SRRM2: variants seen among roughly 807,000 people sequenced by gnomAD.
The protein encoded by SRRM2 is serine/arginine repetitive matrix 2, also known as serine/arginine repetitive matrix protein 2.
SRRM2 carries 30 observed loss-of-function variants against 213.8 expected under a neutral mutation model. The ratio of observed to expected loss-of-function variants is 0.14; its 90% CI spans 0.10 to 0.19. The LOEUF is 0.19. Ranked by LOEUF, SRRM2 falls within the 10% of genes least tolerant of loss-of-function variation. SRRM2 has a pLI of 1.00. For missense variants in SRRM2, 4,904 were observed against 3,647.0 expected (o/e 1.34, Z -8.88); for synonymous variants, 2,025 against 1,377.7 (o/e 1.47, Z -10.40).
chr16:2,763,400 A>C lies in SRRM2; in HGVS notation c.2872A>C (p.Asn958His). ...RRSRSVSPCS[N>H]VESRLLPRYS... Reference sequence around the variant, plus strand: ...AAGCAGATCAGTATCTCCCTGCTCCAATGTGGAATCCAGATTGTTGCCAAG... The same window carrying C: ...AAGCAGATCAGTATCTCCCTGCTCCCATGTGGAATCCAGATTGTTGCCAAG... The change falls in exon 11 of 15, where the codon AAT (asparagine) becomes CAT (histidine). Residue 958 changes from asparagine to histidine, a missense_variant. Transcript: ENST00000301740. The C allele has an allele frequency of 6.2e-7, 1 of 1,614,236 alleles. No homozygotes were observed. The highest frequency in any genetic ancestry group is 1.1e-5 in the South Asian group (1 of 91,084).
chr16:2,765,344 G>A lies in SRRM2; in HGVS notation c.4816G>A (p.Asp1606Asn). The part of the protein sequence containing the change: ...SRSGSSPEVK[D>N]KPRAAPRAQS... ...GTCTGGTTCCTCCCCTGAAGTGAAAGATAAGCCAAGAGCAGCACCCAGGGC... is the reference window on the plus strand; with the variant it reads ...GTCTGGTTCCTCCCCTGAAGTGAAAAATAAGCCAAGAGCAGCACCCAGGGC... Residue 1606 changes from aspartate (D) to asparagine (N), a missense_variant, in exon 11 of 15, where the codon GAT becomes AAT. Transcript: ENST00000301740. 2.5e-6 allele frequency: 4 copies of A among 1,614,124 alleles called. No homozygotes were observed. The highest frequency in any genetic ancestry group is 3.4e-6 in the Non-Finnish European group (4 of 1,180,024).
Position 2,770,956 on chromosome 16 carries a change from G to C in SRRM2, c.*89G>C, listed in dbSNP as rs1459446077. 6.4e-7 allele frequency: 1 copy of C among 1,557,824 alleles called. No homozygotes were observed. Among genetic ancestry groups the C allele is most frequent in the Non-Finnish European group, 8.8e-7 (1 of 1,137,234 alleles). Reference sequence around the variant, plus strand: ...CCAGCAGAGCCGTGGGAGGGTCCTTGTCTGCTCTCCTTTGAACCTTGGCAG... The same window carrying C: ...CCAGCAGAGCCGTGGGAGGGTCCTTCTCTGCTCTCCTTTGAACCTTGGCAG... On this transcript the variant is annotated 3_prime_UTR_variant, in exon 15 of 15. Coordinates refer to ENST00000301740, the MANE Select transcript of SRRM2 (RefSeq NM_016333.4).
At chr16:2,760,142 T>C (rs1263351164) in intron 9 of SRRM2, 159 bp from the exon 10 acceptor site, 1 of 700,028 alleles carries the variant, frequency 1.4e-6, no homozygotes, top group East Asian at 2.7e-5. Flanking sequence ...AAGTGGACTG[T>C]ACTTGCATTT....
rs200852292 is a variant in SRRM2, at chr16:2,762,792, C to T, written c.2264C>T (p.Ser755Phe). 7 of 1,614,176 alleles carry T rather than the reference C, an allele frequency of 4.3e-6. No individual in the cohort carries two copies. The highest frequency in any genetic ancestry group is 3.3e-5 in the Admixed American group (2 of 60,030). ...SSPEMKKSRI[S>F]SRRSRSLSSP... ...CCAGAAATGAAGAAATCTCGCATTT[C>T]TTCAAGGCGGAGCAGGTCTCTCTCT... Residue 755 changes from serine (S) to phenylalanine (F), a missense_variant, in exon 11 of 15, where the codon TCT (serine) becomes TTT (phenylalanine). Ser to Phe is a radical substitution (Grantham distance 155, BLOSUM62 -2). Transcript: ENST00000301740.
At position 2,767,761 on chromosome 16, in the gene SRRM2, G is replaced by A. The variant is rs147372277; in HGVS notation, c.7233G>A (p.Pro2411=). 69 of 1,613,590 alleles carry A rather than the reference G, an allele frequency of 4.3e-5. No homozygotes were observed. The African/African-American group carries it at 5.6e-4, about 13-fold the overall frequency. The part of the protein sequence containing the change: ...LLDRARSRTP[P]SAPSQSRMTS... ...ACCGAGCTAGGTCCAGAACACCACCGTCTGCCCCAAGCCAATCTAGGATGA... is the reference window on the plus strand; with the variant it reads ...ACCGAGCTAGGTCCAGAACACCACCATCTGCCCCAAGCCAATCTAGGATGA... The change falls in exon 11 of 15, where the codon CCG becomes CCA. Residue 2411 remains proline (P), a synonymous_variant. Transcript: ENST00000301740.
rs1176915096 is a variant in SRRM2 at position 2,762,714 on chromosome 16, A to G, written c.2186A>G (p.Glu729Gly). ...AGAGGCAGATCTGGCTCATCTTCAG[A>G]GCGGAAAAACAAATCCAGAACATCT... is the stretch of plus-strand genomic sequence containing the variant. ...QRRGRSGSSS[E>G]RKNKSRTSQR... is the part of the protein sequence containing the mutation. The change falls in exon 11 of 15, where the codon GAG becomes GGG. Residue 729 changes from glutamate to glycine, a missense_variant. Transcript: ENST00000301740. The G allele has an allele frequency of 3.1e-6, 5 of 1,614,214 alleles. No individual in the cohort carries two copies. Among genetic ancestry groups the G allele is most frequent in the Non-Finnish European group, 2.5e-6 (3 of 1,180,048 alleles).
At position 2,761,715 on chromosome 16, in the gene SRRM2, A is replaced by G. The variant is rs1386964672; in HGVS notation, c.1187A>G (p.Glu396Gly). ...CAGGAGCCAGTGAACCCCCCATCTG[A>G]GGCCTCTCCAACTCGGGACCGTTCA... is the stretch of plus-strand genomic sequence containing the variant. ...LSQEPVNPPS[E>G]ASPTRDRSPP... The change falls in exon 11 of 15, where the codon GAG (glutamate) becomes GGG (glycine). Residue 396 changes from glutamate (E) to glycine (G), a missense_variant. By Grantham distance (98) the Glu-to-Gly change is moderately conservative (BLOSUM62 -2). Transcript: ENST00000301740. 1 of 1,606,826 alleles carries G rather than the reference A, an allele frequency of 6.2e-7. No individual in the cohort carries two copies. Among genetic ancestry groups the G allele is most frequent in the African/African-American group, 1.3e-5 (1 of 74,436 alleles).
Position 2,766,676 on chromosome 16 carries a change from A to G in SRRM2, c.6148A>G (p.Ile2050Val). 12 of 1,614,052 alleles carry G rather than the reference A, an allele frequency of 7.4e-6. 1 individual carries two copies. The highest frequency in any genetic ancestry group is 1.3e-5 in the African/African-American group (1 of 74,986). Residue 2050 changes from isoleucine to valine, a missense_variant, in exon 11 of 15, where the codon ATC (isoleucine) becomes GTC (valine). Ile to Val is a conservative substitution (Grantham distance 29). Transcript: ENST00000301740. The surrounding 1 kb of genome is among the most constrained non-coding windows in gnomAD (Gnocchi z 7.0). The stretch of plus-strand genomic sequence containing the variant: ...TTCTCGAAGTCGCTCACCACTTGCT[A>G]TCCGCCGCCGCTCCAGATCCCGTAC... The part of the protein sequence containing the change: ...KRSRSRSPLA[I>V]RRRSRSRTPR...
chr16:2,770,878 G>C lies in SRRM2; in HGVS notation c.*11G>C. On this transcript the variant is annotated 3_prime_UTR_variant, in exon 15 of 15. Transcript: ENST00000301740. ...TGCAGGTCTCCATAAATTGTCTTTG[G>C]GGGATTCCACCACACCCAATGCTCT... is the stretch of plus-strand genomic sequence containing the variant. The C allele has an allele frequency of 6.2e-7, 1 of 1,613,894 alleles. No homozygotes were observed. Among genetic ancestry groups the C allele is most frequent in the Non-Finnish European group, 8.5e-7 (1 of 1,179,976 alleles).
intron 9 of SRRM2, 40 bp from the exon 10 acceptor site, chr16:2,760,261 G>T (rs1347406758): frequency 6.3e-7 from 1 of 1,592,102 alleles, no homozygotes; most frequent in Non-Finnish European, 8.5e-7. Flanking sequence ...CCTTTGAGCT[G>T]ATTTCCTTCC....
chr16:2,764,736 C>T lies in SRRM2; in HGVS notation c.4208C>T (p.Ser1403Phe). Residue 1403 changes from serine (S) to phenylalanine (F), a missense_variant, in exon 11 of 15, where the codon TCT becomes TTT. Ser to Phe is a radical substitution (Grantham distance 155). Coordinates refer to ENST00000301740, the MANE Select transcript of SRRM2 (RefSeq NM_016333.4). ...GGGATGTCTTCAAATCAGAGCATCT[C>T]TTCACCTGTGCTTGATGCTGTACCC... is the stretch of plus-strand genomic sequence containing the variant. ...KAGMSSNQSI[S>F]SPVLDAVPRT... The T allele has an allele frequency of 6.2e-7, 1 of 1,614,162 alleles. No individual in the cohort carries two copies. Among genetic ancestry groups the T allele is most frequent in the Non-Finnish European group, 8.5e-7 (1 of 1,180,024 alleles).
chr16:2,766,433 C>A lies in SRRM2; in HGVS notation c.5905C>A (p.Arg1969=). The part of the protein sequence containing the change: ...RSRTPPVTRR[R]SRSRTSPITR... ...CAGGACTCCACCAGTAACCAGGAGG[C>A]GATCTCGAAGCAGAACTTCGCCTAT... The change falls in exon 11 of 15, where the codon CGA becomes AGA. Residue 1969 remains arginine, a synonymous_variant. Transcript: ENST00000301740. This position sits in a 1 kb window ranked among gnomAD's most constrained non-coding sequence, Gnocchi z 7.0. 1 of 1,614,000 alleles carries A rather than the reference C, an allele frequency of 6.2e-7. No homozygotes were observed. The highest frequency in any genetic ancestry group is 8.5e-7 in the Non-Finnish European group (1 of 1,179,984).
rs765863128 is a variant in SRRM2, at chr16:2,765,468, C to T, written c.4940C>T (p.Pro1647Leu). 7 of 1,614,194 alleles carry T rather than the reference C, an allele frequency of 4.3e-6. No homozygotes were observed. Among genetic ancestry groups the T allele is most frequent in the South Asian group, 1.1e-5 (1 of 91,084 alleles). Residue 1647 changes from proline to leucine, a missense_variant, in exon 11 of 15, where the codon CCT becomes CTT. By Grantham distance (98) the Pro-to-Leu change is moderately conservative. Transcript: ENST00000301740. ...RSGSSSKGRG[P>L]SPEGSSSTES... ...GGTTCATCAAGCAAAGGCAGAGGCCCTTCTCCTGAAGGAAGCAGCAGTACC... is the reference window on the plus strand; with the variant it reads ...GGTTCATCAAGCAAAGGCAGAGGCCTTTCTCCTGAAGGAAGCAGCAGTACC...
rs766547276 is a variant in SRRM2 at position 2,761,764 on chromosome 16, T to G, written c.1236T>G (p.Leu412=). 1 of 1,612,876 alleles carries G rather than the reference T, an allele frequency of 6.2e-7. No homozygotes were observed. Among genetic ancestry groups the G allele is most frequent in the East Asian group, 2.2e-5 (1 of 44,830 alleles). The change falls in exon 11 of 15, where the codon CTT becomes CTG. Residue 412 remains leucine (L), a synonymous_variant. Transcript: ENST00000301740. ...CACCACCTAAGTCTCCCGAGAAACT[T>G]CCCCAGTCTTCTTCCTCAGAGAGCA... ...DRSPPKSPEK[L]PQSSSSESSP...
rs747255297 is a variant in SRRM2 at position 2,762,582 on chromosome 16, C to T, written c.2054C>T (p.Thr685Ile). 2.5e-6 allele frequency: 4 copies of T among 1,613,982 alleles called. No homozygotes were observed. The Admixed American group carries it at 5.0e-5, about 20-fold the overall frequency. The change falls in exon 11 of 15, where the codon ACA becomes ATA. Residue 685 changes from threonine (T) to isoleucine (I), a missense_variant. Thr to Ile is a moderately conservative substitution (Grantham distance 89). Transcript: ENST00000301740. ...ARRSGRSRSRTPARRGRSRSR... is the reference protein window; with the variant it reads ...ARRSGRSRSRIPARRGRSRSR... ...CGCAGTGGTCGCTCACGCTCCAGAA[C>T]ACCAGCCAGGAGAGGGAGGTCTCGG...
chr16:2,763,634 T>C lies in SRRM2; in HGVS notation c.3106T>C (p.Cys1036Arg). The C allele has an allele frequency of 6.2e-7, 1 of 1,610,700 alleles. No homozygotes were observed. The highest frequency in any genetic ancestry group is 8.5e-7 in the Non-Finnish European group (1 of 1,176,786). ...AAGTTGCCCTGGATCCCTCTCTCTC[T>C]GTGCAGGAGTAAAATCTAGCACACC... ...VQSCPGSLSL[C>R]AGVKSSTPPG... Residue 1036 changes from cysteine (C) to arginine (R), a missense_variant, in exon 11 of 15, where the codon TGT becomes CGT. Physicochemically the swap from Cys to Arg is radical, Grantham distance 180. Coordinates refer to ENST00000301740, the MANE Select transcript of SRRM2 (RefSeq NM_016333.4).
In SRRM2 at chr16:2,771,208, T is replaced by C; in HGVS notation, c.*341T>C. 3 of 649,556 alleles carry C rather than the reference T, an allele frequency of 4.6e-6. No homozygotes were observed. The highest frequency in any genetic ancestry group is 8.1e-6 in the Non-Finnish European group (3 of 370,352). 40.2% of individuals were successfully genotyped at this position (649,556 alleles called of 1,614,324 possible). A position where few individuals can be genotyped will look rare whatever the true frequency, so the allele number is the denominator to read the frequency against. On this transcript the variant is annotated 3_prime_UTR_variant, in exon 15 of 15. Transcript: ENST00000301740. ...GTATCCAGAAGTTCCCAGGGGTGAT[T>C]GTGATGGTGGTTGGGACTGGAGGTT...
rs762589599 is a variant in SRRM2, at chr16:2,765,412, C to T, written c.4884C>T (p.Ala1628=). The change falls in exon 11 of 15, where the codon GCC becomes GCT. Residue 1628 remains alanine, a synonymous_variant. Transcript: ENST00000301740. ...CCTCTCCTGAACCTAAAGCTCCAGCCCCTCGGGCCCTTCCCAGACGAAGCA... is the reference window on the plus strand; with the variant it reads ...CCTCTCCTGAACCTAAAGCTCCAGCTCCTCGGGCCCTTCCCAGACGAAGCA... The part of the protein sequence containing the change: ...SDSSPEPKAP[A]PRALPRRSRS... 28 of 1,614,046 alleles carry T rather than the reference C, an allele frequency of 1.7e-5. No homozygotes were observed. Among genetic ancestry groups the T allele is most frequent in the African/African-American group, 1.5e-4 (11 of 74,918 alleles).
rs139531579 is a variant in SRRM2 at position 2,768,228 on chromosome 16, G to A, written c.7700G>A (p.Ser2567Asn). ...GSSSSDSEGSSLPVQPEVALK... is the reference protein window; with the variant it reads ...GSSSSDSEGSNLPVQPEVALK... ...AGTTCTAGTGACTCAGAGGGCTCTAGCCTTCCTGTGCAACCTGAGGTGGCA... is the reference window on the plus strand; with the variant it reads ...AGTTCTAGTGACTCAGAGGGCTCTAACCTTCCTGTGCAACCTGAGGTGGCA... Residue 2567 changes from serine (S) to asparagine (N), a missense_variant, in exon 11 of 15, where the codon AGC becomes AAC. By Grantham distance (46) the Ser-to-Asn change is conservative. Coordinates refer to ENST00000301740, the MANE Select transcript of SRRM2 (RefSeq NM_016333.4). 716 of 1,574,488 alleles carry A rather than the reference G, an allele frequency of 4.5e-4. No homozygotes were observed. The highest frequency in any genetic ancestry group is 6.0e-4 in the Non-Finnish European group (692 of 1,161,230).
Sources: gnomAD v4.1 joint callset for allele counts on GRCh38, gnomAD v4.1.1 for gene constraint, Gnocchi (gnomAD v3.1) non-coding constraint, MANE v1.5 for transcripts, NCBI Gene and HGNC (gene_info 2026-07-23, HGNC 2026-07-21) for gene names.